ADARB2: variants seen among roughly 807,000 people sequenced by gnomAD.
ADARB2 encodes the protein adenosine deaminase RNA specific B2 (inactive), also known as inactive double-stranded RNA-specific editase B2.
Under a neutral mutation model 62.2 loss-of-function variants are expected in ADARB2, and 25 were observed. The ratio of observed to expected loss-of-function variants is 0.40; its 90% confidence interval spans 0.29 to 0.56. The LOEUF (loss-of-function observed/expected upper bound fraction) is 0.56, where lower values mean the gene tolerates loss of function less well. Ranked by LOEUF, ADARB2 falls within the 20% of genes least tolerant of loss-of-function variation. The pLI, the probability that ADARB2 is intolerant of heterozygous loss-of-function variation, is 0.43. For missense variants in ADARB2, 1,071 were observed against 1,077.4 expected (o/e 0.99, Z 0.08); for synonymous variants, 572 against 500.8 (o/e 1.14, Z -1.90).
chr10:1,388,876 G>A (rs10903437), intron 1 of ADARB2, among the ~76,000 whole-genome samples: 20,716 of 152,070 alleles, frequency 0.14, 2,141 homozygotes, highest in East Asian at 0.47. Context: ...ATATGGAAAT[G>A]CAAAAGACCC....
intron 1 of ADARB2, among the ~76,000 whole-genome samples, chr10:1,480,858 G>C (rs1014036469): frequency 2.6e-5 from 4 of 152,190 alleles, no homozygotes; most frequent in African/African-American, 7.2e-5. Flanking sequence ...CTTATGATTG[G>C]AAGGCTTAAT....
chr10:1,501,182 C>A (rs569999687), intron 1 of ADARB2, among the ~76,000 whole-genome samples: 1 of 152,124 alleles, frequency 6.6e-6, no homozygotes, highest in Non-Finnish European at 1.5e-5. Context: ...CTCTAGTGTA[C>A]CTTTTTAAAG....
chr10:1,557,158 C>T (rs1832716421), intron 1 of ADARB2, among the ~76,000 whole-genome samples: 1 of 152,022 alleles, frequency 6.6e-6, no homozygotes, highest in African/African-American at 2.4e-5. Context: ...GCCCAGTCAC[C>T]ATGTCCAGTC....
At chr10:1,304,389 C>T (rs1831605866) in intron 3 of ADARB2, among the ~76,000 whole-genome samples, 3 of 149,960 alleles carry the variant, frequency 2.0e-5, no homozygotes, top group Non-Finnish European at 4.5e-5. Context: ...TCCTGAGTGA[C>T]CTACAAAGAG....
chr10:1,347,757 C>T (rs148135197), intron 3 of ADARB2, among the ~76,000 whole-genome samples: 2 of 152,174 alleles, frequency 1.3e-5, no homozygotes, highest in South Asian at 2.1e-4. Context: ...CTGGACCCCA[C>T]GTACGCAGTG....
intron 4 of ADARB2, among the ~76,000 whole-genome samples, chr10:1,260,294 T>C (rs375100019): frequency 1.5e-4 from 23 of 152,202 alleles, no homozygotes; most frequent in Middle Eastern, 3.4e-3. Context: ...GTTGGAAGTT[T>C]TGGCCAGGGC....
intron 3 of ADARB2, among the ~76,000 whole-genome samples, chr10:1,331,983 C>A (rs1481527415): frequency 2.6e-5 from 4 of 152,188 alleles, no homozygotes; most frequent in Non-Finnish European, 5.9e-5. Flanking sequence ...AGAAAAGATA[C>A]TCCTGCAGTT....
At position 1,426,367 on chromosome 10, in the gene ADARB2, T is replaced by C. The variant is rs1459179151; in HGVS notation, c.101-47207A>G. ...CCTTATTCCTGGGCACTGGCCTTTT[T>C]AAATCCTTTCTTTTTCTCTTTAAAT... is the stretch of plus-strand genomic sequence containing the variant. On this transcript the variant is annotated intron_variant, in intron 1 of 9. Transcript: ENST00000381312. The surrounding 1 kb of genome is among the most constrained non-coding windows in gnomAD (Gnocchi z 4.1). Among the ~76,000 whole-genome samples the C allele has an allele frequency of 6.6e-6, 1 of 152,190 alleles. No individual in the cohort carries two copies. The highest frequency in any genetic ancestry group is 2.4e-5 in the African/African-American group (1 of 41,440).
intron 3 of ADARB2, among the ~76,000 whole-genome samples, chr10:1,353,797 G>A (rs1041709794): frequency 5.3e-5 from 8 of 152,000 alleles, no homozygotes; most frequent in African/African-American, 1.9e-4. Flanking sequence ...TAACAGACAA[G>A]CCCTCTATCA....
chr10:1,550,402 G>C (rs1588298496), intron 1 of ADARB2, among the ~76,000 whole-genome samples: 1 of 152,228 alleles, frequency 6.6e-6, no homozygotes, highest in African/African-American at 2.4e-5. Context: ...TCTTTGGAGA[G>C]TCTCAGTGTA....
At chr10:1,354,786 C>T (rs922736135) in intron 3 of ADARB2, among the ~76,000 whole-genome samples, 3 of 152,196 alleles carry the variant, frequency 2.0e-5, no homozygotes, top group African/African-American at 7.2e-5. Flanking sequence ...TTTAGCTGAC[C>T]CTGTCCTTTT....
intron 1 of ADARB2, among the ~76,000 whole-genome samples, chr10:1,640,573 T>G (rs1367222450): frequency 6.6e-6 from 1 of 152,158 alleles, no homozygotes; most frequent in African/African-American, 2.4e-5. Flanking sequence ...CAAGTTAAGC[T>G]GAACATCTTA....
chr10:1,590,111 C>T (rs1166911791), intron 1 of ADARB2, among the ~76,000 whole-genome samples: 6 of 152,224 alleles, frequency 3.9e-5, no homozygotes, highest in Admixed American at 3.3e-4. Flanking sequence ...TCCATGGTTG[C>T]TCCCAGCACC....
chr10:1,695,814 GTGTT>G (rs1834734183), intron 1 of ADARB2, among the ~76,000 whole-genome samples: 1 of 151,636 alleles, frequency 6.6e-6, no homozygotes. Context: ...ATATGTACAT[GTGTT>G]TGTGAGAGTG....
chr10:1,585,365 C>T lies in ADARB2; in HGVS notation c.100+151686G>A, dbSNP rs183394252. On this transcript the variant is annotated intron_variant, in intron 1 of 9. Transcript: ENST00000381312. ...GGACAAACCTGTTTTCCATTTGGTT[C>T]CTAAATAAGATCGCTACAAAGATAA... Among the ~76,000 whole-genome samples the T allele has an allele frequency of 2.6e-3, 400 of 152,206 alleles. 6 individuals are homozygous for T. Among genetic ancestry groups the T allele is most frequent in the Non-Finnish European group, 1.3e-3 (86 of 68,010 alleles).
chr10:1,454,774 C>A (rs996563573), intron 1 of ADARB2, among the ~76,000 whole-genome samples: 3 of 151,870 alleles, frequency 2.0e-5, no homozygotes, highest in African/African-American at 4.8e-5. Context: ...TGTGAATGTA[C>A]TTAGTGCCAC....
intron 1 of ADARB2, among the ~76,000 whole-genome samples, chr10:1,671,066 G>A (rs1834377999): frequency 6.6e-6 from 1 of 152,336 alleles, no homozygotes; most frequent in African/African-American, 2.4e-5. Flanking sequence ...GTCAAATACA[G>A]GTAATTTCAT....
intron 1 of ADARB2, among the ~76,000 whole-genome samples, chr10:1,444,869 A>G (rs1830949277): frequency 7.3e-6 from 1 of 136,958 alleles, no homozygotes; most frequent in Non-Finnish European, 1.5e-5. Flanking sequence ...ATCTACATCC[A>G]TCCATCTATC....
At chr10:1,626,718 G>A (rs1490579610) in intron 1 of ADARB2, among the ~76,000 whole-genome samples, 3 of 152,194 alleles carry the variant, frequency 2.0e-5, no homozygotes, top group Non-Finnish European at 4.4e-5. Context: ...GGCTACACAC[G>A]TCCCGGCTTG....
Sources: gnomAD v4.1 joint callset for allele counts (sites outside exome capture counted in the v4.1 genomes callset) on GRCh38, gnomAD v4.1.1 for gene constraint, Gnocchi (gnomAD v3.1) non-coding constraint, MANE v1.5 for transcripts, NCBI Gene and HGNC (gene_info 2026-07-23, HGNC 2026-07-21) for gene names.